Variants in CLNK observed in about 807,000 individuals in gnomAD.
CLNK encodes cytokine-dependent hematopoietic cell linker.
Under a neutral mutation model 68.6 loss-of-function variants are expected in CLNK, and 74 were observed. The observed-to-expected ratio is 1.08, with a 90% CI of 0.89 to 1.31. The LOEUF is 1.31. CLNK is among the 50% of genes most tolerant of loss of function. CLNK has a pLI of 0.00. For missense variants in CLNK, 553 were observed against 515.3 expected (o/e 1.07, Z -0.71); for synonymous variants, 198 against 172.2 (o/e 1.15, Z -1.17).
chr4:10,724,199 C>T, the CLNK span, among the ~76,000 whole-genome samples: 65,222 of 151,866 alleles, frequency 0.43, 14,884 homozygotes, highest in East Asian at 0.58. Context: ...TGTATGCACA[C>T]AACACAGTCC....
At chr4:10,671,866 T>C (rs1291764945) in intron 1 of CLNK, among the ~76,000 whole-genome samples, 2 of 152,150 alleles carry the variant, frequency 1.3e-5, no homozygotes, top group Non-Finnish European at 2.9e-5. Context: ...GTCAGCAAAC[T>C]ATAGAAGAAA....
At chr4:10,678,877 T>C (rs1358510050) in intron 1 of CLNK, among the ~76,000 whole-genome samples, 1 of 152,094 alleles carries the variant, frequency 6.6e-6, no homozygotes. Context: ...TACAAACAAA[T>C]GGAAGAACAT....
chr4:10,595,212 C>T (rs1463028470), intron 3 of CLNK, among the ~76,000 whole-genome samples: 3 of 152,188 alleles, frequency 2.0e-5, no homozygotes, highest in Non-Finnish European at 4.4e-5. Flanking sequence ...AAGATATAAC[C>T]TCCCTCAGAC....
At chr4:10,495,441 G>A (rs994635976) in intron 18 of CLNK, among the ~76,000 whole-genome samples, 5 of 152,156 alleles carry the variant, frequency 3.3e-5, no homozygotes, top group Non-Finnish European at 5.9e-5. Flanking sequence ...TCCCTGGATG[G>A]CAGGGACTTG....
intron 2 of CLNK, among the ~76,000 whole-genome samples, chr4:10,653,182 G>T (rs1723822695): frequency 6.6e-6 from 1 of 152,078 alleles, no homozygotes; most frequent in South Asian, 2.1e-4. Context: ...ATACAGTGGG[G>T]CTTGTCAGGA....
At chr4:10,525,166 G>A (rs534241955) in intron 14 of CLNK, among the ~76,000 whole-genome samples, 3 of 152,244 alleles carry the variant, frequency 2.0e-5, no homozygotes, top group South Asian at 2.1e-4. Context: ...CCGGGTTCAC[G>A]CCATTCTCCT....
At chr4:10,669,594 G>T (rs1724546785) in intron 1 of CLNK, among the ~76,000 whole-genome samples, 1 of 151,984 alleles carries the variant, frequency 6.6e-6, no homozygotes, top group African/African-American at 2.4e-5. Flanking sequence ...ATGAGGGAAG[G>T]TCCCTTGGAT....
intron 17 of CLNK, among the ~76,000 whole-genome samples, chr4:10,502,606 A>T (rs569745129): frequency 1.3e-4 from 19 of 151,870 alleles, no homozygotes; most frequent in African/African-American, 4.6e-4. Context: ...TATTCTAGAG[A>T]TAGTGGGAGC....
the CLNK span, among the ~76,000 whole-genome samples, chr4:10,698,781 T>G: frequency 6.6e-6 from 1 of 152,170 alleles, no homozygotes; most frequent in Admixed American, 6.5e-5. Context: ...AACTATATTC[T>G]GGGGATTACT....
At chr4:10,493,930 C>T (rs1219928974) in intron 18 of CLNK, among the ~76,000 whole-genome samples, 2 of 152,202 alleles carry the variant, frequency 1.3e-5, no homozygotes, top group Non-Finnish European at 2.9e-5. Context: ...GGAATTGATG[C>T]ATATGCAGTA....
rs559523588 is a variant in CLNK at position 10,636,233 on chromosome 4, G to T, written c.11+31626C>A. Among the ~76,000 whole-genome samples the T allele has an allele frequency of 5.9e-5, 9 of 152,294 alleles. No homozygotes were observed. In the South Asian group the frequency reaches 1.9e-3, roughly 32 times the overall value. On this transcript the variant is annotated intron_variant, in intron 2 of 18. Coordinates refer to ENST00000226951, the MANE Select transcript of CLNK (RefSeq NM_052964.4). ...TAAGATATAAGTTCCATTCATCTTG[G>T]AGTAGGGTGGGTCTTTAATCCAATA...
intron 14 of CLNK, among the ~76,000 whole-genome samples, chr4:10,524,293 G>T (rs1718211347): frequency 6.6e-6 from 1 of 152,142 alleles, no homozygotes. Flanking sequence ...GAGCAGAAAG[G>T]CATAGGGTAT....
upstream of CLNK, among the ~76,000 whole-genome samples, chr4:10,685,434 T>C (rs1194040399): frequency 6.6e-6 from 1 of 152,172 alleles, no homozygotes; most frequent in Non-Finnish European, 1.5e-5. Context: ...AAACAAAATA[T>C]TGTAAATAAA....
At chr4:10,663,156 G>A (rs1724258987) in intron 2 of CLNK, among the ~76,000 whole-genome samples, 1 of 152,198 alleles carries the variant, frequency 6.6e-6, no homozygotes, top group Non-Finnish European at 1.5e-5. Context: ...CAAACCCCAA[G>A]ATGCCCTTAT....
intron 1 of CLNK, among the ~76,000 whole-genome samples, chr4:10,680,094 A>G (rs1479712832): frequency 6.6e-6 from 1 of 152,114 alleles, no homozygotes; most frequent in Non-Finnish European, 1.5e-5. Context: ...ACTATTCACA[A>G]TAACAAAGAC....
At chr4:10,664,882 C>T (rs76336069) in intron 2 of CLNK, among the ~76,000 whole-genome samples, 576 of 152,264 alleles carry the variant, frequency 3.8e-3, no homozygotes, top group African/African-American at 0.013. Context: ...AATGTGTAAG[C>T]GTACTGATGG....
At chr4:10,715,348 G>A in the CLNK span, among the ~76,000 whole-genome samples, 3 of 152,072 alleles carry the variant, frequency 2.0e-5, no homozygotes, top group Admixed American at 1.3e-4. Flanking sequence ...CTTCCACCCC[G>A]CCCCATCATA....
At chr4:10,702,853 A>G in the CLNK span, among the ~76,000 whole-genome samples, 1 of 152,158 alleles carries the variant, frequency 6.6e-6, no homozygotes, top group Admixed American at 6.5e-5. Flanking sequence ...TTGAGATAAG[A>G]GCTGCACTTT....
upstream of CLNK, among the ~76,000 whole-genome samples, chr4:10,686,869 G>A (rs779747856): frequency 4.1e-4 from 62 of 152,188 alleles, no homozygotes; most frequent in Non-Finnish European, 4.3e-4. Flanking sequence ...TTGGTTTAAT[G>A]AGAAAGCTGA....
Sources: gnomAD v4.1 joint callset for allele counts (sites outside exome capture counted in the v4.1 genomes callset) on GRCh38, gnomAD v4.1.1 for gene constraint, MANE v1.5 for transcripts, NCBI Gene and HGNC (gene_info 2026-07-23, HGNC 2026-07-21) for gene names.